GOSR1: variants seen among roughly 807,000 people sequenced by gnomAD.
GOSR1 encodes golgi SNAP receptor complex member 1, also known as 28 kDa Golgi SNARE protein.
A neutral mutation model predicts 35.5 loss-of-function variants in GOSR1; 21 were observed. The ratio of observed to expected loss-of-function variants is 0.59; its 90% CI spans 0.42 to 0.85. The LOEUF (loss-of-function observed/expected upper bound fraction) is 0.85, where lower values mean the gene tolerates loss of function less well. Among genes scored for constraint, GOSR1 ranks in the 40% least tolerant of loss-of-function variants. The pLI is 0.00. For synonymous variants in GOSR1, 94 were observed against 106.6 expected (o/e 0.88, Z 0.73); for missense variants, 285 against 309.6 (o/e 0.92, Z 0.60).
At chr17:30,521,637 T>C (rs193123154) in intron 8 of GOSR1, among the ~76,000 whole-genome samples, 14 of 152,200 alleles carry the variant, frequency 9.2e-5, no homozygotes, top group African/African-American at 3.4e-4. Flanking sequence ...GGCTAAAGTT[T>C]AGTCCACTTT....
At chr17:30,521,369 G>C (rs926807195) in intron 8 of GOSR1, among the ~76,000 whole-genome samples, 3 of 151,366 alleles carry the variant, frequency 2.0e-5, no homozygotes, top group Non-Finnish European at 4.4e-5. Context: ...GTTTTGTAGA[G>C]ATGGGGTTTC....
intron 7 of GOSR1, among the ~76,000 whole-genome samples, chr17:30,518,797 G>A (rs1406023479): frequency 6.6e-6 from 1 of 151,924 alleles, no homozygotes; most frequent in Non-Finnish European, 1.5e-5. Context: ...AAAAAAATTA[G>A]CCAGGCATGA....
At chr17:30,484,897 C>G (rs1597758561) in intron 4 of GOSR1, 127 bp downstream of exon 4, 1 of 708,010 alleles carries the variant, frequency 1.4e-6, no homozygotes, top group South Asian at 1.5e-5. Flanking sequence ...AAAATAAATG[C>G]CATGCTAAAG....
chr17:30,520,683 C>A (rs1286851485), intron 8 of GOSR1, among the ~76,000 whole-genome samples: 1 of 152,204 alleles, frequency 6.6e-6, no homozygotes, highest in African/African-American at 2.4e-5. Context: ...AAAAAGCTTT[C>A]CTCCCCAACT....
chr17:30,487,135 CAG>C (rs1914731192), intron 4 of GOSR1, among the ~76,000 whole-genome samples: 1 of 152,016 alleles, frequency 6.6e-6, no homozygotes, highest in African/African-American at 2.4e-5. Flanking sequence ...AACAATTAAA[CAG>C]AGTTTATATG....
chr17:30,479,179 T>A (rs1914163528), intron 1 of GOSR1: 1 of 152,264 alleles, frequency 6.6e-6, no homozygotes, highest in South Asian at 2.1e-4. Flanking sequence ...GCTTTCTATT[T>A]CTGGTTGAAA....
intron 1 of GOSR1, chr17:30,477,970 A>T (rs944040459): frequency 1.0e-6 from 1 of 981,394 alleles, no homozygotes; most frequent in African/African-American, 1.8e-5. Context: ...AATGTCTCTT[A>T]TTGGGTCTCC....
At chr17:30,485,886 G>A (rs1914651164) in intron 4 of GOSR1, among the ~76,000 whole-genome samples, 1 of 151,972 alleles carries the variant, frequency 6.6e-6, no homozygotes, top group Non-Finnish European at 1.5e-5. Flanking sequence ...GCTGGGCATA[G>A]TGGTGGGCGC....
chr17:30,497,577 G>A (rs1437043385), intron 6 of GOSR1, among the ~76,000 whole-genome samples: 1 of 152,214 alleles, frequency 6.6e-6, no homozygotes, highest in Non-Finnish European at 1.5e-5. Context: ...AGCTTGATAT[G>A]GAGTAGACGA....
chr17:30,498,224 G>A (rs150212841), intron 6 of GOSR1, among the ~76,000 whole-genome samples: 1 of 151,496 alleles, frequency 6.6e-6, no homozygotes, highest in Non-Finnish European at 1.5e-5. Context: ...TGCATATCCG[G>A]ATGCACATAT....
rs193277852 is a variant in GOSR1, at chr17:30,499,927, C to T, written c.509+7174C>T. Reference sequence around the variant, plus strand: ...CCTTCAAGTGCTTATTAACCATTCACGTATCTTCTTTTTTATTATTCACAA... The same window carrying T: ...CCTTCAAGTGCTTATTAACCATTCATGTATCTTCTTTTTTATTATTCACAA... On this transcript the variant is annotated intron_variant, in intron 6 of 8. Coordinates refer to ENST00000451249, the MANE Select transcript of GOSR1 (RefSeq NM_001007025.2). Among the ~76,000 whole-genome samples, 46 of 152,288 alleles carry T rather than the reference C, an allele frequency of 3.0e-4. 1 individual carries two copies. The highest frequency in any genetic ancestry group is 2.1e-4 in the South Asian group (1 of 4,826).
intron 6 of GOSR1, among the ~76,000 whole-genome samples, chr17:30,500,465 T>C (rs1967160400): frequency 6.6e-6 from 1 of 152,200 alleles, no homozygotes; most frequent in African/African-American, 2.4e-5. Context: ...ATTGTTTCAG[T>C]ACCATTTGTT....
At chr17:30,487,781 T>C (rs1187893146) in intron 4 of GOSR1, among the ~76,000 whole-genome samples, 1 of 152,216 alleles carries the variant, frequency 6.6e-6, no homozygotes, top group Non-Finnish European at 1.5e-5. Flanking sequence ...TTTTTTTTTT[T>C]TCTTGAGACG....
In GOSR1 at chr17:30,482,193, A is replaced by G. The variant is rs1914400423; in HGVS notation, c.146+936A>G. Among the ~76,000 whole-genome samples the G allele has an allele frequency of 2.0e-5, 3 of 151,882 alleles. No homozygotes were observed. In the South Asian group the frequency reaches 6.2e-4, roughly 31 times the overall value. Reference sequence around the variant, plus strand: ...AATTCATAGTATTCTATTATGTTATATAGTATATATATAATATAGTTATTC... The same window carrying G: ...AATTCATAGTATTCTATTATGTTATGTAGTATATATATAATATAGTTATTC... On this transcript the variant is annotated intron_variant, in intron 2 of 8. Transcript: ENST00000451249.
chr17:30,478,238 C>T (rs1377615151), intron 1 of GOSR1, among the ~76,000 whole-genome samples: 1 of 152,198 alleles, frequency 6.6e-6, no homozygotes, highest in Non-Finnish European at 1.5e-5. Context: ...TGATGATCAA[C>T]AAGAGCAGAG....
intron 7 of GOSR1, among the ~76,000 whole-genome samples, chr17:30,518,521 C>T (rs1967902861): frequency 6.6e-6 from 1 of 152,158 alleles, no homozygotes; most frequent in African/African-American, 2.4e-5. Flanking sequence ...ACATGCAAAG[C>T]ACTCCTCTGA....
At chr17:30,520,126 C>T in intron 8 of GOSR1, 105 bp downstream of exon 8, 4 of 724,600 alleles carry the variant, frequency 5.5e-6, no homozygotes, top group Non-Finnish European at 1.0e-5. Context: ...AGCAGTAGAG[C>T]CCATCAGTAA....
chr17:30,504,375 T>C (rs1409518411), intron 6 of GOSR1, among the ~76,000 whole-genome samples: 1 of 152,172 alleles, frequency 6.6e-6, no homozygotes, highest in Non-Finnish European at 1.5e-5. Flanking sequence ...TTTCTTTGAC[T>C]TGTAGTTCCA....
chr17:30,484,576 A>G (rs554995939), intron 3 of GOSR1, 87 bp from the exon 4 acceptor site: 2 of 700,024 alleles, frequency 2.9e-6, no homozygotes, highest in Admixed American at 2.8e-5. Flanking sequence ...CTGTCAACCA[A>G]AAGGGCATAT....
Sources: gnomAD v4.1 joint callset for allele counts (sites outside exome capture counted in the v4.1 genomes callset) on GRCh38, gnomAD v4.1.1 for gene constraint, MANE v1.5 for transcripts, NCBI Gene and HGNC (gene_info 2026-07-23, HGNC 2026-07-21) for gene names.